The following PLCH1 variants were observed in gnomAD, a reference collection of about 807,000 sequenced individuals.
PLCH1 encodes phospholipase C eta 1.
In PLCH1, 60 loss-of-function variants were observed where a neutral mutation model predicts 126.7. The observed-to-expected ratio is 0.47, with a 90% CI of 0.38 to 0.59. PLCH1 has a LOEUF of 0.59. Ranked by LOEUF, PLCH1 falls within the 20% of genes least tolerant of loss-of-function variation. The pLI is 0.00. For synonymous variants in PLCH1, 719 were observed against 734.9 expected, an observed-to-expected ratio of 0.98 and a Z score of 0.35; for missense variants, 1,723 against 2,040.0, an observed-to-expected ratio of 0.84 and a Z score of 2.99.
intron 2 of PLCH1, among the ~76,000 whole-genome samples, chr3:155,619,258 T>C (rs1408194974): frequency 2.0e-5 from 3 of 151,938 alleles, no homozygotes; most frequent in Non-Finnish European, 4.4e-5. Flanking sequence ...CTTTATACTC[T>C]ATAGTGTACA....
intron 10 of PLCH1, among the ~76,000 whole-genome samples, chr3:155,524,357 G>T (rs1721623502): frequency 6.6e-6 from 1 of 152,310 alleles, no homozygotes; most frequent in African/African-American, 2.4e-5. Flanking sequence ...AGTTTTACAA[G>T]ATGAAGAGTT....
intron 11 of PLCH1, among the ~76,000 whole-genome samples, chr3:155,520,046 T>C (rs1438199101): frequency 1.3e-5 from 2 of 152,176 alleles, no homozygotes; most frequent in Non-Finnish European, 2.9e-5. Context: ...CATATTCTTC[T>C]GTTCAAGGAC....
At chr3:155,686,155 G>C (rs1744923099) in intron 2 of PLCH1, among the ~76,000 whole-genome samples, 1 of 152,122 alleles carries the variant, frequency 6.6e-6, no homozygotes, top group South Asian at 2.1e-4. Context: ...TATAGAAAGA[G>C]AGTGTACAAG....
intron 21 of PLCH1, among the ~76,000 whole-genome samples, chr3:155,466,107 G>C (rs375907414): frequency 1.3e-5 from 2 of 152,206 alleles, no homozygotes; most frequent in African/African-American, 4.8e-5. Flanking sequence ...TTTGCCACTT[G>C]CTGACTGTAG....
chr3:155,629,695 C>A (rs1236362848), intron 2 of PLCH1, among the ~76,000 whole-genome samples: 1 of 152,092 alleles, frequency 6.6e-6, no homozygotes, highest in African/African-American at 2.4e-5. Context: ...TTTAAATGGT[C>A]AAGTAGACGT....
intron 1 of PLCH1, among the ~76,000 whole-genome samples, chr3:155,720,742 T>C (rs896427909): frequency 2.6e-5 from 4 of 152,164 alleles, no homozygotes; most frequent in African/African-American, 9.6e-5. Context: ...CCCATCTATT[T>C]ATATTTCTTT....
chr3:155,715,271 A>C (rs1747418693), intron 1 of PLCH1, among the ~76,000 whole-genome samples: 1 of 152,140 alleles, frequency 6.6e-6, no homozygotes, highest in Non-Finnish European at 1.5e-5. Context: ...TCCATTGAAT[A>C]ACATGGAATT....
chr3:155,617,611 C>A (rs1358822981), intron 2 of PLCH1, among the ~76,000 whole-genome samples: 2 of 152,098 alleles, frequency 1.3e-5, no homozygotes, highest in Non-Finnish European at 2.9e-5. Flanking sequence ...TGTGAGTATT[C>A]TTAAATTATG....
intron 1 of PLCH1, among the ~76,000 whole-genome samples, chr3:155,731,897 C>T (rs1748797905): frequency 6.7e-6 from 1 of 149,788 alleles, no homozygotes; most frequent in Non-Finnish European, 1.5e-5. Flanking sequence ...GTGGCAGGAT[C>T]ACTTGATCAC....
chr3:155,618,102 A>G (rs973737500), intron 2 of PLCH1, among the ~76,000 whole-genome samples: 2 of 152,246 alleles, frequency 1.3e-5, no homozygotes, highest in African/African-American at 4.8e-5. Context: ...CAAATATAAG[A>G]CTAAAACTTA....
Position 155,492,709 on chromosome 3 carries a change from C to A in PLCH1, c.2307+20G>T. 1.3e-6 allele frequency: 2 copies of A among 1,541,060 alleles called. No homozygotes were observed. The highest frequency in any genetic ancestry group is 2.2e-5 in the Admixed American group (1 of 46,496). On this transcript the variant is annotated intron_variant, in intron 18 of 22. Coordinates refer to ENST00000460012, the MANE Select transcript of PLCH1 (RefSeq NM_014996.4). ...AATCACATAATTAACCACTTAGACA[C>A]GTAGTCATAGGCAACTTACCTCGCC...
At chr3:155,621,069 G>T (rs763594724) in intron 2 of PLCH1, among the ~76,000 whole-genome samples, 19 of 152,194 alleles carry the variant, frequency 1.2e-4, no homozygotes, top group Non-Finnish European at 2.2e-4. Flanking sequence ...GGAAGGAACA[G>T]GCTGCAATCT....
At chr3:155,474,684 CCAT>C (rs1322528145) in intron 21 of PLCH1, among the ~76,000 whole-genome samples, 1 of 128,450 alleles carries the variant, frequency 7.8e-6, no homozygotes, top group Admixed American at 8.1e-5. Flanking sequence ...ACCCAAATGT[CCAT>C]CAATGATAGA....
chr3:155,590,880 A>G (rs1043409098), intron 4 of PLCH1, among the ~76,000 whole-genome samples: 21 of 151,894 alleles, frequency 1.4e-4, no homozygotes, highest in African/African-American at 4.6e-4. Context: ...CTATTCATCA[A>G]TTTATTATTT....
rs147403111 is a variant in PLCH1 at position 155,734,083 on chromosome 3, G to T, written c.-41+10757C>A. Among the ~76,000 whole-genome samples, 1,312 of 151,592 alleles carry T rather than the reference G, an allele frequency of 8.7e-3. 19 individuals carry two copies. The highest frequency in any genetic ancestry group is 0.03 in the African/African-American group (1,255 of 41,344). On this transcript the variant is annotated intron_variant, in intron 1 of 22. Coordinates refer to ENST00000460012, the MANE Select transcript of PLCH1 (RefSeq NM_014996.4). ...ATTATCAAAAAGACAAAAAGTAAGT[G>T]CTGGCAAGGATATGGAAAAAAGGAA... is the stretch of plus-strand genomic sequence containing the variant.
intron 2 of PLCH1, among the ~76,000 whole-genome samples, chr3:155,640,132 G>C (rs1739240311): frequency 6.6e-6 from 1 of 152,172 alleles, no homozygotes; most frequent in South Asian, 2.1e-4. Context: ...ATCACTTGTG[G>C]GAAAGACATC....
intron 2 of PLCH1, among the ~76,000 whole-genome samples, chr3:155,677,280 T>C (rs925242108): frequency 3.3e-5 from 5 of 152,196 alleles, no homozygotes; most frequent in Non-Finnish European, 5.9e-5. Flanking sequence ...TGCTAACTCA[T>C]CCCTTGATTC....
At chr3:155,504,688 T>C (rs1718407052) in intron 12 of PLCH1, 62 bp from the exon 13 acceptor site, 1 of 1,154,324 alleles carries the variant, frequency 8.7e-7, no homozygotes, top group African/African-American at 1.5e-5. Flanking sequence ...TTTCCTTAGT[T>C]CTGGTGGAAT....
intron 11 of PLCH1, among the ~76,000 whole-genome samples, chr3:155,517,332 T>C (rs542257809): frequency 6.6e-6 from 1 of 152,204 alleles, no homozygotes; most frequent in Non-Finnish European, 1.5e-5. Context: ...AAATAAAGTT[T>C]CCTGTGACCA....
Sources: gnomAD v4.1 joint callset for allele counts (sites outside exome capture counted in the v4.1 genomes callset) on GRCh38, gnomAD v4.1.1 for gene constraint, MANE v1.5 for transcripts, NCBI Gene and HGNC (gene_info 2026-07-23, HGNC 2026-07-21) for gene names.